Variants in DAD1 observed in about 807,000 individuals in gnomAD.
DAD1 encodes the protein dolichyl-diphosphooligosaccharide--protein glycosyltransferase subunit DAD1.
In DAD1, 4 loss-of-function variants were observed where a neutral mutation model predicts 9.0. The observed-to-expected ratio is 0.44, with a 90% CI of 0.22 to 1.01. DAD1 has a LOEUF of 1.01. Among genes scored for constraint, DAD1 ranks in the 50% least tolerant of loss-of-function variants. The pLI, the probability that DAD1 is intolerant of heterozygous loss-of-function variation, is 0.24. For missense variants in DAD1, 119 were observed against 137.3 expected (o/e 0.87, Z 0.67); for synonymous variants, 60 against 62.5 (o/e 0.96, Z 0.19).
At chr14:22,570,797 A>G (rs1707901317) in intron 2 of DAD1, among the ~76,000 whole-genome samples, 2 of 152,204 alleles carry the variant, frequency 1.3e-5, no homozygotes, top group South Asian at 4.1e-4. Context: ...TATAAAAACA[A>G]AACAATGCTA....
At chr14:22,586,480 G>C (rs937002180) in intron 1 of DAD1, among the ~76,000 whole-genome samples, 7 of 152,130 alleles carry the variant, frequency 4.6e-5, no homozygotes, top group Non-Finnish European at 1.0e-4. Flanking sequence ...GGGAGACAGA[G>C]GTTGCAGTGA....
chr14:22,576,109 C>A (rs536572299), intron 1 of DAD1, among the ~76,000 whole-genome samples: 2 of 152,352 alleles, frequency 1.3e-5, no homozygotes, highest in Non-Finnish European at 2.9e-5. Flanking sequence ...GATCCTCCCA[C>A]CTCAGCCTCC....
chr14:22,570,992 C>A (rs544330134), intron 2 of DAD1, among the ~76,000 whole-genome samples: 34 of 150,046 alleles, frequency 2.3e-4, no homozygotes, highest in African/African-American at 8.0e-4. Flanking sequence ...CTTCAGAACA[C>A]CTGAGATGGA....
At chr14:22,585,799 G>GAGGGAATAGA (rs1297431186) in intron 1 of DAD1, among the ~76,000 whole-genome samples, 1 of 152,174 alleles carries the variant, frequency 6.6e-6, no homozygotes, top group Non-Finnish European at 1.5e-5. Context: ...AACACATGCA[G>GAGGGAATAGA]AGGGAATAGA....
intron 1 of DAD1, among the ~76,000 whole-genome samples, chr14:22,577,555 C>G (rs568886517): frequency 6.6e-6 from 1 of 152,106 alleles, no homozygotes; most frequent in South Asian, 2.1e-4. Flanking sequence ...AGCAGAAGAA[C>G]GGATAAGCAA....
intron 1 of DAD1, among the ~76,000 whole-genome samples, chr14:22,580,412 T>A (rs933059664): frequency 6.7e-5 from 10 of 150,178 alleles, no homozygotes; most frequent in Non-Finnish European, 1.2e-4. Flanking sequence ...GGGAGACAAA[T>A]CAAGACCGTC....
chr14:22,576,699 G>GAA (rs781356045), intron 1 of DAD1, among the ~76,000 whole-genome samples: 1 of 152,110 alleles, frequency 6.6e-6, no homozygotes, highest in South Asian at 2.1e-4. Context: ...ACGGAATGGG[G>GAA]AAAAATATTT....
In DAD1 at chr14:22,589,147, G is replaced by T. The variant is rs757044016; in HGVS notation, c.11C>A (p.Ser4Ter). Residue 4 changes from serine (S) to a stop codon, truncating the protein, a stop_gained, in exon 1 of 3, where the codon TCG becomes TAG. Transcript: ENST00000250498. LOFTEE classifies it high-confidence loss of function. ...GAACCGCGAAATGACAGACACTACC[G>T]ACGCCGACATAACTGCACGCAAGGT... MSA[S>*]VVSVISRFLE... The T allele has an allele frequency of 6.2e-7, 1 of 1,614,012 alleles. No individual in the cohort carries two copies. Among genetic ancestry groups the T allele is most frequent in the Non-Finnish European group, 8.5e-7 (1 of 1,180,028 alleles).
At chr14:22,582,240 C>G (rs763783707) in intron 1 of DAD1, among the ~76,000 whole-genome samples, 4 of 150,440 alleles carry the variant, frequency 2.7e-5, no homozygotes, top group Non-Finnish European at 5.9e-5. Flanking sequence ...ATAGGCCAGG[C>G]GCAGTGGCTC....
chr14:22,582,162 G>A lies in DAD1; in HGVS notation c.211+6785C>T, dbSNP rs879360177. Among the ~76,000 whole-genome samples, 8 of 151,482 alleles carry A rather than the reference G, an allele frequency of 5.3e-5. No individual in the cohort carries two copies. In the East Asian group the frequency reaches 5.8e-4, roughly 11 times the overall value. ...GCGGAGGTTGCAGTGAGCTGAGATC[G>A]CGCCACTGCACTCCAGCCTGGCGAC... On this transcript the variant is annotated intron_variant, in intron 1 of 2. Coordinates refer to ENST00000250498, the MANE Select transcript of DAD1 (RefSeq NM_001344.4).
intron 2 of DAD1, among the ~76,000 whole-genome samples, chr14:22,573,701 C>T (rs1269012097): frequency 1.1e-4 from 14 of 124,736 alleles, no homozygotes; most frequent in Middle Eastern, 8.3e-3. Context: ...CAGAGCGAGA[C>T]TCCATCTCAA....
intron 2 of DAD1, among the ~76,000 whole-genome samples, chr14:22,571,102 T>C (rs2037035922): frequency 2.7e-5 from 4 of 150,884 alleles, no homozygotes; most frequent in Admixed American, 2.6e-4. Context: ...GGCGAGTGGA[T>C]CACGAGGACA....
At chr14:22,583,945 G>C (rs1253524645) in intron 1 of DAD1, among the ~76,000 whole-genome samples, 2 of 152,078 alleles carry the variant, frequency 1.3e-5, no homozygotes, top group African/African-American at 2.4e-5. Context: ...AGGAAAAATA[G>C]AGTGATTTAT....
intron 1 of DAD1, among the ~76,000 whole-genome samples, chr14:22,575,584 G>A (rs770945289): frequency 1.3e-5 from 2 of 152,192 alleles, no homozygotes; most frequent in African/African-American, 2.4e-5. Flanking sequence ...GTCTCGCTCC[G>A]TCACCCAGGC....
chr14:22,581,743 CAAAA>C (rs59052046), intron 1 of DAD1, among the ~76,000 whole-genome samples: 101 of 36,734 alleles, frequency 2.7e-3, no homozygotes, highest in African/African-American at 8.1e-3. Context: ...AACTCCATCT[CAAAA>C]AAAAAAAAAA....
At chr14:22,577,871 A>G (rs5742776) in intron 1 of DAD1, among the ~76,000 whole-genome samples, 14,022 of 152,290 alleles carry the variant, frequency 0.092, 1,188 homozygotes, top group African/African-American at 0.22. Flanking sequence ...TGATTTTACA[A>G]CAATGTACAT....
At chr14:22,571,625 CTTT>C (rs869205395) in intron 2 of DAD1, among the ~76,000 whole-genome samples, 2,995 of 109,832 alleles carry the variant, frequency 0.027, 122 homozygotes, top group African/African-American at 0.093. Context: ...GCAAGGGGCT[CTTT>C]TTTTTTTTTT....
Position 22,588,570 on chromosome 14 carries a change from T to C in DAD1, c.211+377A>G, listed in dbSNP as rs553816568. Among the ~76,000 whole-genome samples, 22 of 152,348 alleles carry C rather than the reference T, an allele frequency of 1.4e-4. No individual in the cohort carries two copies. In the South Asian group the frequency reaches 4.6e-3, roughly 32 times the overall value. On this transcript the variant is annotated intron_variant, in intron 1 of 2. Transcript: ENST00000250498. ...CGTTTCACCGGAGATTGGTAATGAT[T>C]AGGCCAAGATGACAGAGATGATTCA...
At chr14:22,568,616 G>A (rs2037016942) in intron 2 of DAD1, among the ~76,000 whole-genome samples, 1 of 150,146 alleles carries the variant, frequency 6.7e-6, no homozygotes, top group Non-Finnish European at 1.5e-5. Context: ...AACACAGACA[G>A]AGAAACTGAG....
Sources: allele counts gnomAD v4.1 joint callset (sites outside exome capture counted in the v4.1 genomes callset), GRCh38; gene constraint gnomAD v4.1.1; transcripts MANE v1.5; gene names NCBI Gene and HGNC (gene_info 2026-07-23, HGNC 2026-07-21).